LIPA: variants seen among roughly 807,000 people sequenced by gnomAD.
LIPA encodes lysosomal acid lipase/cholesteryl ester hydrolase.
Under a neutral mutation model 40.6 loss-of-function variants are expected in LIPA, and 26 were observed. The observed-to-expected ratio is 0.64, with a 90% CI of 0.47 to 0.89. The LOEUF (loss-of-function observed/expected upper bound fraction) is 0.89. Ranked by LOEUF, LIPA falls within the 40% of genes least tolerant of loss-of-function variation. The probability of loss-of-function intolerance (pLI) is 0.00; values close to 1 mark genes in which losing one functional copy is unlikely to be tolerated. For missense variants in LIPA, 455 were observed against 479.6 expected, an observed-to-expected ratio of 0.95 and a Z score of 0.48; for synonymous variants, 188 against 168.4, an observed-to-expected ratio of 1.12 and a Z score of -0.90.
intron 2 of LIPA, among the ~76,000 whole-genome samples, chr10:89,364,440 T>A (rs1748688510): frequency 1.3e-5 from 2 of 152,236 alleles, no homozygotes; most frequent in South Asian, 4.2e-4. Flanking sequence ...ACAAAGCACA[T>A]GGGCAGAAAG....
intron 1 of LIPA, among the ~76,000 whole-genome samples, chr10:89,304,440 G>A (rs1431451148): frequency 6.6e-6 from 1 of 151,966 alleles, no homozygotes; most frequent in Non-Finnish European, 1.5e-5. Context: ...GAGAGAGAGG[G>A]GCAGTTAGAA....
chr10:89,367,937 G>A (rs1268765488), intron 2 of LIPA, among the ~76,000 whole-genome samples: 1 of 152,080 alleles, frequency 6.6e-6, no homozygotes, highest in Non-Finnish European at 1.5e-5. Context: ...TTCCACCCCA[G>A]CCTTCCAATT....
chr10:89,321,156 G>A (rs1364530371), intron 1 of LIPA, among the ~76,000 whole-genome samples: 1 of 151,972 alleles, frequency 6.6e-6, no homozygotes, highest in Non-Finnish European at 1.5e-5. Flanking sequence ...ACATAGGCAT[G>A]GGCAAGGACT....
At chr10:89,309,883 G>A (rs1444637034) in intron 1 of LIPA, among the ~76,000 whole-genome samples, 16 of 152,068 alleles carry the variant, frequency 1.1e-4, no homozygotes, top group Admixed American at 1.0e-3. Flanking sequence ...CATTTCCCGG[G>A]GCAGGACATT....
At chr10:89,265,970 C>T (rs529246493) in intron 1 of LIPA, among the ~76,000 whole-genome samples, 2 of 152,296 alleles carry the variant, frequency 1.3e-5, no homozygotes, top group East Asian at 3.9e-4. Flanking sequence ...AAGTTGCAAT[C>T]AAAATGCATG....
chr10:89,412,986 A>G (rs1564815636), intron 1 of LIPA: 2 of 181,218 alleles, frequency 1.1e-5, no homozygotes, highest in Non-Finnish European at 2.4e-5. Context: ...ACTTAGCTAT[A>G]CTTCTTGATG....
intron 2 of LIPA, among the ~76,000 whole-genome samples, chr10:89,366,376 A>G (rs1051559988): frequency 2.1e-4 from 32 of 152,304 alleles, no homozygotes; most frequent in African/African-American, 7.5e-4. Flanking sequence ...CTAAATATAC[A>G]ATCATGTCAT....
At chr10:89,291,989 T>C (rs1473273913) in intron 1 of LIPA, 1 of 152,140 alleles carries the variant, frequency 6.6e-6, no homozygotes, top group African/African-American at 2.4e-5. Context: ...ATTTCCAGGC[T>C]CTAGGGGATG....
chr10:89,241,833 T>C (rs1378838241), intron 3 of LIPA, among the ~76,000 whole-genome samples: 8 of 152,178 alleles, frequency 5.3e-5, no homozygotes, highest in Non-Finnish European at 1.2e-4. Context: ...ATATTGTGCC[T>C]ATCATGGCAT....
chr10:89,299,763 AT>A (rs1756296403), intron 1 of LIPA, among the ~76,000 whole-genome samples: 1 of 151,990 alleles, frequency 6.6e-6, no homozygotes, highest in Non-Finnish European at 1.5e-5. Context: ...AAAAAAAAAA[AT>A]AACAAATGCT....
chr10:89,262,250 C>A (rs1843214582), intron 1 of LIPA, among the ~76,000 whole-genome samples: 1 of 152,076 alleles, frequency 6.6e-6, no homozygotes, highest in Non-Finnish European at 1.5e-5. Flanking sequence ...TCAGCATATA[C>A]CATCTGACAG....
At chr10:89,367,914 G>A (rs2133595907) in intron 2 of LIPA, among the ~76,000 whole-genome samples, 1 of 152,244 alleles carries the variant, frequency 6.6e-6, no homozygotes, top group Admixed American at 6.5e-5. Flanking sequence ...GAACTCTTGG[G>A]TTCAAGCAAT....
intron 2 of LIPA, among the ~76,000 whole-genome samples, chr10:89,367,413 T>G (rs1186642066): frequency 2.0e-5 from 3 of 152,224 alleles, no homozygotes; most frequent in Admixed American, 2.0e-4. Flanking sequence ...GGCTTCTAGC[T>G]CTGTCCTGCA....
At chr10:89,303,632 C>G (rs549270880) in intron 1 of LIPA, among the ~76,000 whole-genome samples, 1 of 152,284 alleles carries the variant, frequency 6.6e-6, no homozygotes, top group South Asian at 2.1e-4. Flanking sequence ...GGGCTTTTAC[C>G]TAAGTGTGTA....
In LIPA at chr10:89,349,426, T is replaced by C. The variant is rs116616560; in HGVS notation, c.61+63365A>G. The stretch of plus-strand genomic sequence containing the variant: ...ATGCCCCATGCACGTAATAAGTTTG[T>C]ATACCTTTTGTTCTGTTAATCTGCC... On this transcript the variant is annotated intron_variant, in intron 2 of 8. Transcript: ENST00000371837. Among the ~76,000 whole-genome samples the C allele has an allele frequency of 2.4e-3, 364 of 152,360 alleles. 2 individuals are homozygous for C. Among genetic ancestry groups the C allele is most frequent in the African/African-American group, 8.4e-3 (349 of 41,586 alleles).
chr10:89,374,181 C>T (rs1362525021), intron 2 of LIPA, among the ~76,000 whole-genome samples: 2 of 152,184 alleles, frequency 1.3e-5, no homozygotes, highest in South Asian at 2.1e-4. Flanking sequence ...TCTGCTAGTT[C>T]GTCGAACACA....
In LIPA at chr10:89,358,710, G is replaced by A. The variant is rs547539592; in HGVS notation, c.61+54081C>T. Among the ~76,000 whole-genome samples, 4 of 152,288 alleles carry A rather than the reference G, an allele frequency of 2.6e-5. No individual in the cohort carries two copies. The East Asian group carries it at 7.7e-4, about 29-fold the overall frequency. On this transcript the variant is annotated intron_variant, in intron 2 of 8. Transcript: ENST00000371837. Reference sequence around the variant, plus strand: ...ATTGCACATTCTCAATCATATGCGGGAACTAAGAACAAAGTGGATCTCATG... The same window carrying A: ...ATTGCACATTCTCAATCATATGCGGAAACTAAGAACAAAGTGGATCTCATG...
At chr10:89,329,346 G>T (rs939836497) in intron 1 of LIPA, among the ~76,000 whole-genome samples, 1 of 152,196 alleles carries the variant, frequency 6.6e-6, no homozygotes, top group Admixed American at 6.5e-5. Flanking sequence ...GATGTTAATT[G>T]TGTCTGTGTG....
At chr10:89,252,664 G>T (rs919762527), upstream of LIPA, among the ~76,000 whole-genome samples, 3 of 152,128 alleles carry the variant, frequency 2.0e-5, no homozygotes, top group African/African-American at 7.2e-5. Context: ...AAAATTAGCG[G>T]GTGTGGTGGT....
Sources: gnomAD v4.1 joint callset for allele counts (sites outside exome capture counted in the v4.1 genomes callset) on GRCh38, gnomAD v4.1.1 for gene constraint, MANE v1.5 for transcripts, NCBI Gene and HGNC (gene_info 2026-07-23, HGNC 2026-07-21) for gene names.